Variants in SLC30A8 observed in about 807,000 individuals in gnomAD.
SLC30A8 encodes solute carrier family 30 member 8, also known as proton-coupled zinc antiporter SLC30A8.
Under a neutral mutation model 36.9 loss-of-function variants are expected in SLC30A8, and 27 were observed. The observed-to-expected ratio is 0.73, with a 90% CI of 0.54 to 1.01. The LOEUF (loss-of-function observed/expected upper bound fraction) is 1.01, where lower values mean the gene tolerates loss of function less well. Among genes scored for constraint, SLC30A8 ranks in the 50% least tolerant of loss-of-function variants. The pLI is 0.00. For synonymous variants in SLC30A8, 164 were observed against 172.4 expected (o/e 0.95, Z 0.38); for missense variants, 439 against 452.0 (o/e 0.97, Z 0.26).
intron 1 of SLC30A8, among the ~76,000 whole-genome samples, chr8:116,972,011 C>G (rs1485045170): frequency 2.0e-5 from 3 of 151,998 alleles, no homozygotes; most frequent in Non-Finnish European, 4.4e-5. Context: ...ATAATTTTTC[C>G]TATCATAAAG....
At chr8:117,143,737 A>G (rs1003890541) in intron 1 of SLC30A8, among the ~76,000 whole-genome samples, 12 of 151,516 alleles carry the variant, frequency 7.9e-5, no homozygotes, top group Non-Finnish European at 2.9e-5. Flanking sequence ...AATGGACCTT[A>G]TGAAGCCCAC....
At chr8:117,115,777 T>C (rs1283610869) in intron 2 of SLC30A8, among the ~76,000 whole-genome samples, 6 of 151,988 alleles carry the variant, frequency 3.9e-5, no homozygotes, top group Non-Finnish European at 8.8e-5. Flanking sequence ...GGCTGTGGCA[T>C]ATGAACTGAG....
rs1038767480 is a variant in SLC30A8, at chr8:117,175,485, G to C, written c.*2804G>C. 5 of 152,066 alleles carry C rather than the reference G, an allele frequency of 3.3e-5. No individual in the cohort carries two copies. Among genetic ancestry groups the C allele is most frequent in the African/African-American group, 1.2e-4 (5 of 41,430 alleles). 9.4% of individuals were successfully genotyped at this position (152,066 alleles called of 1,614,324 possible). A position where few individuals can be genotyped will look rare whatever the true frequency, so the allele number is the denominator to read the frequency against. ...TGTTTACACATTAAGCATCAGTTCT[G>C]AAGCTAGATTGTCTGAGTTTGAATC... On this transcript the variant is annotated 3_prime_UTR_variant, in exon 8 of 8. Transcript: ENST00000456015.
At chr8:117,006,382 C>T (rs1321238366) in intron 1 of SLC30A8, among the ~76,000 whole-genome samples, 1 of 152,118 alleles carries the variant, frequency 6.6e-6, no homozygotes, top group Non-Finnish European at 1.5e-5. Context: ...AAGCATTATG[C>T]CCTCACCCTG....
At chr8:117,116,212 C>T (rs145333266) in intron 2 of SLC30A8, among the ~76,000 whole-genome samples, 43 of 152,052 alleles carry the variant, frequency 2.8e-4, no homozygotes, top group Admixed American at 8.5e-4. Flanking sequence ...GATGGCAAGG[C>T]GTTTGAATTT....
chr8:117,067,118 G>A (rs13250853), intron 2 of SLC30A8, among the ~76,000 whole-genome samples: 15,701 of 151,972 alleles, frequency 0.1, 957 homozygotes, highest in East Asian at 0.14. Flanking sequence ...TAAAACCATC[G>A]AATCTCTTGA....
At chr8:116,989,723 T>C (rs1279398975) in intron 1 of SLC30A8, among the ~76,000 whole-genome samples, 1 of 152,088 alleles carries the variant, frequency 6.6e-6, no homozygotes. Flanking sequence ...TAACAATAAG[T>C]GTATGCAGAA....
chr8:116,955,728 A>C (rs113609691), intron 1 of SLC30A8, among the ~76,000 whole-genome samples: 5 of 151,860 alleles, frequency 3.3e-5, no homozygotes, highest in Non-Finnish European at 7.4e-5. Flanking sequence ...GTCTCAAAAA[A>C]AAAAAAATAA....
chr8:116,951,722 C>T (rs1813998073), intron 1 of SLC30A8, among the ~76,000 whole-genome samples: 1 of 152,098 alleles, frequency 6.6e-6, no homozygotes, highest in African/African-American at 2.4e-5. Flanking sequence ...TCTAACAGTG[C>T]AAATTTGCTC....
chr8:117,118,961 A>G (rs1405531176), intron 2 of SLC30A8, among the ~76,000 whole-genome samples: 4 of 151,918 alleles, frequency 2.6e-5, no homozygotes, highest in Admixed American at 6.6e-5. Flanking sequence ...GCAAATTCCT[A>G]TGGGCCTCTG....
chr8:117,050,293 G>A (rs1177291124), intron 2 of SLC30A8, among the ~76,000 whole-genome samples: 3 of 152,140 alleles, frequency 2.0e-5, no homozygotes, highest in East Asian at 3.9e-4. Flanking sequence ...TAGCCTTGGT[G>A]GTGGCTCGCA....
chr8:117,133,488 ATTGT>A (rs764664490), upstream of SLC30A8, among the ~76,000 whole-genome samples: 11 of 151,974 alleles, frequency 7.2e-5, no homozygotes, highest in African/African-American at 2.2e-4. Flanking sequence ...AAACTTCCAG[ATTGT>A]TTATTTCCTG....
chr8:117,122,038 A>T (rs959496325), intron 2 of SLC30A8, among the ~76,000 whole-genome samples: 11 of 151,974 alleles, frequency 7.2e-5, no homozygotes, highest in African/African-American at 2.7e-4. Flanking sequence ...TGATATGCGG[A>T]ATTTAACTGA....
chr8:117,021,100 A>G (rs1330191138), intron 1 of SLC30A8, among the ~76,000 whole-genome samples: 3 of 152,142 alleles, frequency 2.0e-5, no homozygotes. Context: ...AATGATTGTC[A>G]TATTTTTAAA....
intron 1 of SLC30A8, among the ~76,000 whole-genome samples, chr8:116,987,406 C>CT (rs1815482644): frequency 6.7e-6 from 1 of 149,210 alleles, no homozygotes; most frequent in African/African-American, 2.5e-5. Context: ...CAGACCTGCA[C>CT]GTTGTGCACA....
At chr8:116,963,819 A>G (rs933272786) in intron 1 of SLC30A8, among the ~76,000 whole-genome samples, 1 of 152,200 alleles carries the variant, frequency 6.6e-6, no homozygotes, top group African/African-American at 2.4e-5. Context: ...TATTTAGCTT[A>G]TTAAGGCACT....
intron 2 of SLC30A8, among the ~76,000 whole-genome samples, chr8:117,068,766 G>C (rs1199456900): frequency 6.6e-6 from 1 of 151,924 alleles, no homozygotes; most frequent in Non-Finnish European, 1.5e-5. Flanking sequence ...TAGTAGAGAC[G>C]GGGTTTCACT....
chr8:116,960,783 C>T (rs1814389579), intron 1 of SLC30A8, among the ~76,000 whole-genome samples: 1 of 152,174 alleles, frequency 6.6e-6, no homozygotes, highest in Non-Finnish European at 1.5e-5. Context: ...GCAATCACAT[C>T]TGAGAAACTG....
At chr8:117,095,376 CAT>C (rs993186859) in intron 2 of SLC30A8, among the ~76,000 whole-genome samples, 1 of 152,020 alleles carries the variant, frequency 6.6e-6, no homozygotes, top group African/African-American at 2.4e-5. Flanking sequence ...ATAATAGTAA[CAT>C]ATTACTAGTT....
Sources: gnomAD v4.1 joint callset for allele counts (sites outside exome capture counted in the v4.1 genomes callset) on GRCh38, gnomAD v4.1.1 for gene constraint, MANE v1.5 for transcripts, NCBI Gene and HGNC (gene_info 2026-07-23, HGNC 2026-07-21) for gene names.